Variants in ABCC9 observed in about 807,000 individuals in gnomAD.
ABCC9 encodes ATP binding cassette subfamily C member 9.
In ABCC9, 95 loss-of-function variants were observed where a neutral mutation model predicts 188.3. The observed-to-expected ratio is 0.50, with a 90% CI of 0.43 to 0.60. The LOEUF is 0.60. Among genes scored for constraint, ABCC9 ranks in the 20% least tolerant of loss-of-function variants. The pLI is 0.00. For synonymous variants in ABCC9, 659 were observed against 652.7 expected, an observed-to-expected ratio of 1.01 and a Z score of -0.15; for missense variants, 1,102 against 1,876.3, an observed-to-expected ratio of 0.59 and a Z score of 7.62.
intron 11 of ABCC9, 24 bp from the exon 12 acceptor site, chr12:21,906,312 AAT>A: frequency 6.3e-7 from 1 of 1,589,686 alleles, no homozygotes. Flanking sequence ...GAAGAAAAAT[AAT>A]ACCAGCTGCA....
intron 36 of ABCC9, among the ~76,000 whole-genome samples, chr12:21,811,770 C>T (rs1448652842): frequency 1.3e-5 from 2 of 152,074 alleles, no homozygotes; most frequent in Non-Finnish European, 2.9e-5. Context: ...AGATGGAACA[C>T]CTTAGAAATG....
intron 5 of ABCC9, chr12:21,924,000 A>T: frequency 1.9e-6 from 1 of 537,736 alleles, no homozygotes. Context: ...AAGAAGCCTT[A>T]CTTAAAAGTC....
At chr12:21,804,488 A>G (rs1214504929) in intron 39 of ABCC9, among the ~76,000 whole-genome samples, 1 of 152,206 alleles carries the variant, frequency 6.6e-6, no homozygotes, top group Non-Finnish European at 1.5e-5. Context: ...ATTCTTGAAA[A>G]TACTGAATAA....
intron 35 of ABCC9, among the ~76,000 whole-genome samples, chr12:21,812,658 A>G (rs1942324966): frequency 6.6e-6 from 1 of 152,052 alleles, no homozygotes; most frequent in Non-Finnish European, 1.5e-5. Flanking sequence ...ATGAGAACAC[A>G]TGGACACAGG....
chr12:21,800,259 A>T lies in ABCC9; in HGVS notation c.*785T>A, dbSNP rs1258288034. The T allele has an allele frequency of 1.3e-5, 2 of 152,200 alleles. No individual in the cohort carries two copies. Among genetic ancestry groups the T allele is most frequent in the African/African-American group, 4.8e-5 (2 of 41,456 alleles). 9.4% of individuals were successfully genotyped at this position (152,200 alleles called of 1,614,324 possible). ...CTCAAGATCATAACCACAGCTAATC[A>T]TTAAACTATAGAAAGTTTAGCTGGC... On this transcript the variant is annotated 3_prime_UTR_variant, in exon 40 of 40. Coordinates refer to ENST00000261200, the MANE Select transcript of ABCC9 (RefSeq NM_020297.4).
intron 37 of ABCC9, among the ~76,000 whole-genome samples, chr12:21,808,357 A>G (rs1941999006): frequency 6.6e-6 from 1 of 152,154 alleles, no homozygotes; most frequent in South Asian, 2.1e-4. Flanking sequence ...GATGAGCACC[A>G]TATTCAGTCG....
chr12:21,824,374 G>A (rs1943241138), intron 31 of ABCC9, among the ~76,000 whole-genome samples: 1 of 152,116 alleles, frequency 6.6e-6, no homozygotes, highest in African/African-American at 2.4e-5. Flanking sequence ...TTTTTGATGT[G>A]TTGCTGGATT....
At chr12:21,817,052 G>T in intron 33 of ABCC9, 135 bp downstream of exon 33, 1 of 980,446 alleles carries the variant, frequency 1.0e-6, no homozygotes, top group Non-Finnish European at 1.5e-6. Context: ...ACATAATCAA[G>T]CAAAGCCAAG....
At chr12:21,860,760 G>C (rs994678451) in intron 21 of ABCC9, among the ~76,000 whole-genome samples, 3 of 152,158 alleles carry the variant, frequency 2.0e-5, no homozygotes, top group Non-Finnish European at 4.4e-5. Context: ...CTAGTACCAT[G>C]TTAAGTATAC....
intron 22 of ABCC9, among the ~76,000 whole-genome samples, chr12:21,858,345 A>T (rs1160636997): frequency 6.6e-6 from 1 of 152,020 alleles, no homozygotes; most frequent in Non-Finnish European, 1.5e-5. Context: ...AGGTAGAGGC[A>T]GGTGGATCAC....
chr12:21,814,954 G>A (rs868056677), intron 34 of ABCC9, among the ~76,000 whole-genome samples: 2 of 152,110 alleles, frequency 1.3e-5, no homozygotes, highest in African/African-American at 4.8e-5. Flanking sequence ...AGGCTGAGGC[G>A]GGTAGGTCAC....
chr12:21,823,866 A>G (rs1943197112), intron 31 of ABCC9, among the ~76,000 whole-genome samples: 1 of 152,248 alleles, frequency 6.6e-6, no homozygotes, highest in Non-Finnish European at 1.5e-5. Context: ...CTCTGCTGCC[A>G]AAGCAAGTCC....
intron 12 of ABCC9, among the ~76,000 whole-genome samples, chr12:21,895,684 ATATGTG>A (rs1947368751): frequency 1.3e-5 from 2 of 152,226 alleles, no homozygotes; most frequent in Admixed American, 1.3e-4. Flanking sequence ...ACTAATTTAA[ATATGTG>A]AAATCAGGTT....
intron 39 of ABCC9, chr12:21,805,041 A>G: frequency 7.5e-7 from 1 of 1,337,786 alleles, no homozygotes; most frequent in Non-Finnish European, 1.1e-6. Context: ...CTGATTTTGT[A>G]ATAACACCCT....
At chr12:21,908,593 A>G (rs1364085484) in intron 10 of ABCC9, among the ~76,000 whole-genome samples, 3 of 151,940 alleles carry the variant, frequency 2.0e-5, no homozygotes, top group Non-Finnish European at 4.4e-5. Context: ...CACCCACCAT[A>G]AATTTGACTT....
intron 25 of ABCC9, among the ~76,000 whole-genome samples, chr12:21,847,281 T>C (rs1944724432): frequency 6.6e-6 from 1 of 152,188 alleles, no homozygotes; most frequent in African/African-American, 2.4e-5. Flanking sequence ...TATAGAGTTC[T>C]AGAAGCTGAT....
In ABCC9 at chr12:21,799,260, A is replaced by C; in HGVS notation, c.*1784T>G. Reference sequence around the variant, plus strand: ...CTTAAAGTATATTAAAAAAAAAATTAAAAAAAAAAAAGAAAAAAAAAAGAT... The same window carrying C: ...CTTAAAGTATATTAAAAAAAAAATTCAAAAAAAAAAAGAAAAAAAAAAGAT... On this transcript the variant is annotated 3_prime_UTR_variant, in exon 40 of 40. Coordinates refer to ENST00000261200, the MANE Select transcript of ABCC9 (RefSeq NM_020297.4). 1 of 142,962 alleles carries C rather than the reference A, an allele frequency of 7.0e-6. No homozygotes were observed. Among genetic ancestry groups the C allele is most frequent in the South Asian group, 2.2e-4 (1 of 4,458 alleles). 8.9% of individuals were successfully genotyped at this position (142,962 alleles called of 1,614,324 possible).
intron 4 of ABCC9, among the ~76,000 whole-genome samples, chr12:21,927,039 T>A (rs1949071553): frequency 6.6e-6 from 1 of 152,040 alleles, no homozygotes; most frequent in Non-Finnish European, 1.5e-5. Flanking sequence ...CCAGGAGAGG[T>A]ATGGTTGACA....
chr12:21,835,447 A>T (rs1177067696), intron 30 of ABCC9, among the ~76,000 whole-genome samples: 1 of 152,208 alleles, frequency 6.6e-6, no homozygotes, highest in African/African-American at 2.4e-5. Context: ...TGGACTCTAC[A>T]TTCTCACATT....
Sources: allele counts gnomAD v4.1 joint callset (sites outside exome capture counted in the v4.1 genomes callset), GRCh38; gene constraint gnomAD v4.1.1; transcripts MANE v1.5; gene names NCBI Gene and HGNC (gene_info 2026-07-23, HGNC 2026-07-21).